The following SAP130 variants were observed in gnomAD, a reference collection of about 807,000 sequenced individuals.
SAP130 encodes histone deacetylase complex subunit SAP130.
SAP130 carries 16 observed loss-of-function variants against 103.2 expected under a neutral mutation model. The ratio of observed to expected loss-of-function variants is 0.16; its 90% CI spans 0.10 to 0.24. The LOEUF (loss-of-function observed/expected upper bound fraction) is 0.24, where lower values mean the gene tolerates loss of function less well. Ranked by LOEUF, SAP130 falls within the 10% of genes least tolerant of loss-of-function variation. The pLI is 1.00. For synonymous variants in SAP130, 477 were observed against 497.0 expected, an observed-to-expected ratio of 0.96 and a Z score of 0.53; for missense variants, 990 against 1,359.7, an observed-to-expected ratio of 0.73 and a Z score of 4.28.
At chr2:128,015,408 A>G (rs1684701152) in intron 4 of SAP130, among the ~76,000 whole-genome samples, 1 of 152,184 alleles carries the variant, frequency 6.6e-6, no homozygotes, top group East Asian at 1.9e-4. Context: ...CACAGAGTTC[A>G]GGGCTTCTCA....
Position 127,955,474 on chromosome 2 carries a change from T to C in SAP130, c.2064-130A>G. Reference sequence around the variant, plus strand: ...CTGCACAATTTATACTCTATTTCCTTTTTTTAAATTTTTAATTTTAAAAAA... The same window carrying C: ...CTGCACAATTTATACTCTATTTCCTCTTTTTAAATTTTTAATTTTAAAAAA... On this transcript the variant is annotated intron_variant, in intron 15 of 20. Transcript: ENST00000643581. This position sits in a 1 kb window ranked among gnomAD's most constrained non-coding sequence, Gnocchi z 4.9. The C allele has an allele frequency of 1.8e-6, 1 of 544,158 alleles. No individual in the cohort carries two copies. Among genetic ancestry groups the C allele is most frequent in the East Asian group, 3.3e-5 (1 of 30,450 alleles). The allele number at this position is 544,158 out of a possible 1,614,324, so 33.7% of individuals were successfully genotyped here.
At position 127,950,146 on chromosome 2, in the gene SAP130, C is replaced by T. The variant is rs1031025343; in HGVS notation, c.2671+14G>A. ...TGGGAAGCATCATAACACAAGTCAGCCTGTGACCATTACCAATATACTCCT... is the reference window on the plus strand; with the variant it reads ...TGGGAAGCATCATAACACAAGTCAGTCTGTGACCATTACCAATATACTCCT... On this transcript the variant is annotated intron_variant, in intron 17 of 20. Coordinates refer to ENST00000643581, the MANE Select transcript of SAP130 (RefSeq NM_001330301.2). 5 of 1,613,976 alleles carry T rather than the reference C, an allele frequency of 3.1e-6. No homozygotes were observed. The highest frequency in any genetic ancestry group is 4.2e-6 in the Non-Finnish European group (5 of 1,179,958).
At position 127,989,160 on chromosome 2, in the gene SAP130, G is replaced by A. The variant is rs2461460; in HGVS notation, c.1780+404C>T. ...GTGGCCCAGGCTGGAGTGCAGTGGC[G>A]TGATCTCGGCTCACTGCAAGCTCCA... On this transcript the variant is annotated intron_variant, in intron 13 of 20. Coordinates refer to ENST00000643581, the MANE Select transcript of SAP130 (RefSeq NM_001330301.2). The surrounding 1 kb of genome is among the most constrained non-coding windows in gnomAD (Gnocchi z 4.6). 0.68 allele frequency among the ~76,000 whole-genome samples: 103,109 copies of A among 150,928 alleles called. 36,544 individuals are homozygous for A. The highest frequency in any genetic ancestry group is 0.77 in the Non-Finnish European group (52,011 of 67,760).
rs767071221 is a variant in SAP130 at position 128,000,138 on chromosome 2, G to A, written c.1026C>T (p.Ile342=). Residue 342 remains isoleucine, a synonymous_variant, in exon 9 of 21, where the codon ATC becomes ATT. Transcript: ENST00000643581. ...CAGCCACTGGCGTGCCAGTACTGAA[G>A]ATTGTTTTCTGTGAGGGAAACCCCA... ...QQLHTMAQKT[I]FSTGTPVAAA... is the part of the protein sequence containing the mutation. The A allele has an allele frequency of 3.7e-6, 6 of 1,614,162 alleles. No individual in the cohort carries two copies. In the East Asian group the frequency reaches 1.3e-4, roughly 36 times the overall value.
intron 7 of SAP130, among the ~76,000 whole-genome samples, chr2:128,006,728 C>A (rs1455273378): frequency 6.6e-6 from 1 of 152,132 alleles, no homozygotes; most frequent in Admixed American, 6.5e-5. Flanking sequence ...TGCAGTGAGC[C>A]GTGATCAAGC....
chr2:127,957,408 C>T (rs1052529487), intron 15 of SAP130, among the ~76,000 whole-genome samples: 1 of 152,202 alleles, frequency 6.6e-6, no homozygotes, highest in African/African-American at 2.4e-5. Context: ...GGCGTGGTGA[C>T]TCACGCCTAT....
At chr2:127,985,033 G>A (rs796793315) in intron 14 of SAP130, among the ~76,000 whole-genome samples, 14 of 152,282 alleles carry the variant, frequency 9.2e-5, no homozygotes, top group African/African-American at 2.6e-4. Flanking sequence ...TTTCCCCTAC[G>A]CAAGCTTCAC....
chr2:127,974,460 T>C (rs1040488913), intron 15 of SAP130, among the ~76,000 whole-genome samples: 2 of 90,044 alleles, frequency 2.2e-5, no homozygotes, highest in African/African-American at 7.1e-5. Flanking sequence ...GATATAGTCA[T>C]GCAGCACATA....
At position 127,986,795 on chromosome 2, in the gene SAP130, C is replaced by T; in HGVS notation, c.1948G>A (p.Ala650Thr). 1 of 1,613,770 alleles carries T rather than the reference C, an allele frequency of 6.2e-7. No homozygotes were observed. The highest frequency in any genetic ancestry group is 1.1e-5 in the South Asian group (1 of 91,042). ...ACCAGGTCTACTCACCCATCTGTGGCAGGTTTCTTCCGGAGTATGCTTGGC... is the reference window on the plus strand; with the variant it reads ...ACCAGGTCTACTCACCCATCTGTGGTAGGTTTCTTCCGGAGTATGCTTGGC... ...PRPSILRKKP[A>T]TDGMAVRKTL... The change falls in exon 14 of 21, where the codon GCC becomes ACC. Residue 650 changes from alanine to threonine, a missense_variant. This residue lies in a region of SAP130 where 349 missense variants were observed against 384.1 expected (regional missense o/e 0.91). Transcript: ENST00000643581. The surrounding 1 kb of genome is among the most constrained non-coding windows in gnomAD (Gnocchi z 4.7).
chr2:128,019,124 T>A (rs1436722552), intron 2 of SAP130, among the ~76,000 whole-genome samples: 2 of 151,978 alleles, frequency 1.3e-5, no homozygotes, highest in Admixed American at 6.6e-5. Flanking sequence ...AAAAAGATAT[T>A]TTAAGTACGG....
At chr2:127,956,117 AT>A (rs985555228) in intron 15 of SAP130, among the ~76,000 whole-genome samples, 12 of 152,284 alleles carry the variant, frequency 7.9e-5, no homozygotes, top group Admixed American at 7.2e-4. Flanking sequence ...CCAATGCCTA[AT>A]CAACCATTCC....
Position 127,942,074 on chromosome 2 carries a change from G to A in SAP130, c.3106C>T (p.Leu1036=), listed in dbSNP as rs1433870739. ...LKVLDHKDRV[L]KLLNKNGTVK... The stretch of plus-strand genomic sequence containing the variant: ...GTCCCGTTCTTGTTAAGCAGCTTCA[G>A]GACACGGTCTTTATGATCTAAAACC... The change falls in exon 21 of 21, where the codon CTG becomes TTG. Residue 1036 remains leucine, a synonymous_variant. Transcript: ENST00000643581. This position sits in a 1 kb window ranked among gnomAD's most constrained non-coding sequence, Gnocchi z 4.8. The A allele has an allele frequency of 1.2e-6, 2 of 1,610,438 alleles. No individual in the cohort carries two copies. The highest frequency in any genetic ancestry group is 1.7e-5 in the Admixed American group (1 of 58,886).
intron 6 of SAP130, 49 bp downstream of exon 6, chr2:128,012,980 GA>G (rs756266691): frequency 6.5e-7 from 1 of 1,545,496 alleles, no homozygotes; most frequent in Non-Finnish European, 8.8e-7. Context: ...GTGCCTGGCA[GA>G]ATGAATAACT....
chr2:128,002,813 C>T (rs771431211), intron 7 of SAP130, among the ~76,000 whole-genome samples: 7 of 152,070 alleles, frequency 4.6e-5, no homozygotes, highest in Non-Finnish European at 8.8e-5. Flanking sequence ...CAAAGGCTAA[C>T]GGGAGTCATC....
At chr2:127,952,560 T>A (rs1241451745) in intron 16 of SAP130, among the ~76,000 whole-genome samples, 1 of 152,076 alleles carries the variant, frequency 6.6e-6, no homozygotes, top group Non-Finnish European at 1.5e-5. Context: ...AATGTCTCTA[T>A]CTCTCCTGGC....
intron 11 of SAP130, among the ~76,000 whole-genome samples, chr2:127,994,749 T>C (rs6430961): frequency 0.94 from 143,804 of 152,254 alleles, 68,239 homozygotes; most frequent in East Asian, 1. Flanking sequence ...CAGAGCAAGA[T>C]CCTGTCTCAA....
chr2:128,025,482 G>C (rs984290097), intron 2 of SAP130, among the ~76,000 whole-genome samples: 1 of 152,172 alleles, frequency 6.6e-6, no homozygotes, highest in African/African-American at 2.4e-5. Flanking sequence ...TGGGTTCCCT[G>C]ATGTGAATTC....
chr2:127,977,526 C>A (rs1403410478), intron 15 of SAP130, among the ~76,000 whole-genome samples: 2 of 151,928 alleles, frequency 1.3e-5, no homozygotes, highest in Non-Finnish European at 1.5e-5. Context: ...AAAATAAATA[C>A]TGTCACGATG....
intron 14 of SAP130, among the ~76,000 whole-genome samples, chr2:127,983,516 C>T (rs1034882580): frequency 6.6e-6 from 1 of 152,118 alleles, no homozygotes; most frequent in African/African-American, 2.4e-5. Context: ...GAGGCAGGGA[C>T]CACTTTAGAC....
Sources: gnomAD v4.1 joint callset for allele counts (sites outside exome capture counted in the v4.1 genomes callset) on GRCh38, gnomAD v4.1.1 for gene constraint, gnomAD v4.1.1 regional missense constraint, Gnocchi (gnomAD v3.1) non-coding constraint, MANE v1.5 for transcripts, NCBI Gene and HGNC (gene_info 2026-07-23, HGNC 2026-07-21) for gene names.